LAMA3: variants seen among roughly 807,000 people sequenced by gnomAD.
The protein encoded by LAMA3 is laminin subunit alpha 3.
LAMA3 carries 281 observed loss-of-function variants against 402.0 expected under a neutral mutation model. That is an observed-to-expected ratio of 0.70 (90% CI 0.63 to 0.77). LAMA3 has a LOEUF of 0.77. LAMA3 is among the 30% of genes least tolerant of loss of function. The pLI is 0.00. For missense variants in LAMA3, 3,840 were observed against 4,215.5 expected, an observed-to-expected ratio of 0.91 and a Z score of 2.47; for synonymous variants, 1,431 against 1,558.4, an observed-to-expected ratio of 0.92 and a Z score of 1.93.
chr18:23,896,567 T>C (rs1447823725), intron 44 of LAMA3, among the ~76,000 whole-genome samples: 1 of 152,086 alleles, frequency 6.6e-6, no homozygotes. Context: ...AGATGGAATA[T>C]GGCTGAGAGG....
At chr18:23,732,706 T>C (rs972398446) in intron 2 of LAMA3, among the ~76,000 whole-genome samples, 5 of 152,114 alleles carry the variant, frequency 3.3e-5, no homozygotes, top group African/African-American at 1.2e-4. Context: ...CCTACAGATG[T>C]AGGTTTACAT....
intron 6 of LAMA3, among the ~76,000 whole-genome samples, chr18:23,756,768 T>C (rs1598729735): frequency 1.3e-5 from 2 of 152,308 alleles, no homozygotes; most frequent in South Asian, 2.1e-4. Context: ...ACACTTCACC[T>C]GAGCCACGGC....
intron 8 of LAMA3, among the ~76,000 whole-genome samples, chr18:23,767,111 C>T (rs2062091488): frequency 6.6e-6 from 1 of 152,032 alleles, no homozygotes; most frequent in Non-Finnish European, 1.5e-5. Flanking sequence ...TTTACAGTAA[C>T]TGCAAAAAAC....
chr18:23,859,524 A>G (rs1304776076), intron 34 of LAMA3, among the ~76,000 whole-genome samples: 2 of 152,234 alleles, frequency 1.3e-5, no homozygotes, highest in African/African-American at 4.8e-5. Flanking sequence ...ATAATCTGCT[A>G]TAATGGCTCC....
chr18:23,798,473 C>T (rs931609635), intron 12 of LAMA3, among the ~76,000 whole-genome samples: 5 of 152,106 alleles, frequency 3.3e-5, no homozygotes, highest in Admixed American at 2.6e-4. Flanking sequence ...AGACACCGGC[C>T]GGGGAGGAGA....
intron 2 of LAMA3, among the ~76,000 whole-genome samples, chr18:23,741,575 T>C (rs2061564552): frequency 6.6e-6 from 1 of 152,236 alleles, no homozygotes; most frequent in African/African-American, 2.4e-5. Flanking sequence ...CTTGGTTCTA[T>C]ATTTAGTGAC....
At chr18:23,705,137 T>A (rs1230077770) in intron 1 of LAMA3, among the ~76,000 whole-genome samples, 4 of 152,194 alleles carry the variant, frequency 2.6e-5, no homozygotes, top group Non-Finnish European at 4.4e-5. Flanking sequence ...TCTTTCAGTG[T>A]TCTCATCTCT....
intron 25 of LAMA3, among the ~76,000 whole-genome samples, chr18:23,837,570 G>GAC (rs1555707624): frequency 4.8e-5 from 4 of 83,296 alleles, no homozygotes; most frequent in Non-Finnish European, 2.3e-5. Context: ...CAGTTAATCA[G>GAC]ATATATATAT....
intron 30 of LAMA3, among the ~76,000 whole-genome samples, chr18:23,846,077 A>G (rs2063808507): frequency 6.6e-6 from 1 of 152,038 alleles, no homozygotes. Context: ...GTTCCCGCTG[A>G]CCTGTTCTGT....
chr18:23,825,046 G>T (rs938434447), intron 21 of LAMA3, among the ~76,000 whole-genome samples: 1 of 152,170 alleles, frequency 6.6e-6, no homozygotes, highest in Non-Finnish European at 1.5e-5. Context: ...AGCAGATATG[G>T]ATTTCAGTAA....
At chr18:23,925,500 T>C (rs998437395) in intron 62 of LAMA3, among the ~76,000 whole-genome samples, 1 of 152,168 alleles carries the variant, frequency 6.6e-6, no homozygotes, top group Non-Finnish European at 1.5e-5. Flanking sequence ...AAAAAGTAGA[T>C]CTATTGAACA....
chr18:23,728,662 G>A (rs2061338408), intron 2 of LAMA3, among the ~76,000 whole-genome samples: 3 of 152,254 alleles, frequency 2.0e-5, no homozygotes, highest in African/African-American at 7.2e-5. Context: ...GGGACTATGA[G>A]TGACACGCAG....
intron 23 of LAMA3, among the ~76,000 whole-genome samples, chr18:23,829,094 G>A (rs2063443496): frequency 6.6e-6 from 1 of 152,190 alleles, no homozygotes; most frequent in Non-Finnish European, 1.5e-5. Context: ...GCACACCTAG[G>A]GAGACACTAA....
intron 11 of LAMA3, among the ~76,000 whole-genome samples, chr18:23,778,871 G>A (rs1031278545): frequency 6.6e-6 from 1 of 152,220 alleles, no homozygotes; most frequent in Non-Finnish European, 1.5e-5. Context: ...CAGCAACATA[G>A]TAACTCAGGT....
chr18:23,831,373 C>T (rs1799226060), intron 23 of LAMA3, among the ~76,000 whole-genome samples: 1 of 152,138 alleles, frequency 6.6e-6, no homozygotes, highest in African/African-American at 2.4e-5. Flanking sequence ...CCTTCAGTCT[C>T]TTGGGCTTGC....
chr18:23,721,900 C>G (rs1273260941), intron 2 of LAMA3, among the ~76,000 whole-genome samples: 1 of 152,298 alleles, frequency 6.6e-6, no homozygotes, highest in South Asian at 2.1e-4. Context: ...GGCAGTCTTC[C>G]AAGGGTCTAC....
intron 67 of LAMA3, among the ~76,000 whole-genome samples, chr18:23,934,508 A>G (rs1045781057): frequency 2.6e-5 from 4 of 152,170 alleles, no homozygotes; most frequent in Non-Finnish European, 1.5e-5. Flanking sequence ...GAAACTCCTT[A>G]TTTGGAGGAG....
intron 24 of LAMA3, among the ~76,000 whole-genome samples, chr18:23,835,720 A>T (rs528879314): frequency 2.0e-5 from 3 of 152,302 alleles, no homozygotes; most frequent in Non-Finnish European, 2.9e-5. Flanking sequence ...CAAGTATGGG[A>T]GTCCAAAAAA....
chr18:23,916,500 A>G (rs1481717108), intron 59 of LAMA3, 51 bp from the exon 60 acceptor site: 59 of 1,596,738 alleles, frequency 3.7e-5, no homozygotes, highest in Non-Finnish European at 4.9e-5. Flanking sequence ...GCACACTGGC[A>G]TGGTGATCAT....
Sources: gnomAD v4.1 joint callset for allele counts (sites outside exome capture counted in the v4.1 genomes callset) on GRCh38, gnomAD v4.1.1 for gene constraint, MANE v1.5 for transcripts, NCBI Gene and HGNC (gene_info 2026-07-23, HGNC 2026-07-21) for gene names.